Variants in LGR6 observed in about 807,000 individuals in gnomAD.
LGR6 encodes the protein leucine-rich repeat-containing G protein-coupled receptor 6.
Under a neutral mutation model 69.4 loss-of-function variants are expected in LGR6, and 45 were observed. That is an observed-to-expected ratio of 0.65 (90% CI 0.51 to 0.83). The LOEUF (loss-of-function observed/expected upper bound fraction) is 0.83, where lower values mean the gene tolerates loss of function less well. LGR6 is among the 40% of genes least tolerant of loss of function. LGR6 has a pLI of 0.00. For synonymous variants in LGR6, 538 were observed against 555.0 expected (o/e 0.97, Z 0.43); for missense variants, 1,108 against 1,246.7 (o/e 0.89, Z 1.68).
intron 1 of LGR6, among the ~76,000 whole-genome samples, chr1:202,221,748 A>C (rs571042176): frequency 6.6e-6 from 1 of 152,164 alleles, no homozygotes; most frequent in East Asian, 1.9e-4. Context: ...CATGACCCCC[A>C]CTTCTTGTAC....
chr1:202,216,233 A>G (rs1659773056), intron 1 of LGR6, among the ~76,000 whole-genome samples: 1 of 152,246 alleles, frequency 6.6e-6, no homozygotes, highest in African/African-American at 2.4e-5. Context: ...TTGGGTGGTG[A>G]TGCTCAAAGG....
At position 202,226,246 on chromosome 1, in the gene LGR6, A is replaced by G. The variant is rs151119446; in HGVS notation, c.284+752A>G. On this transcript the variant is annotated intron_variant, in intron 2 of 17. Transcript: ENST00000367278. Reference sequence around the variant, plus strand: ...CTGTCCCAATCCTTGCTTTCATCCTAGCTCTGTATTTCCAACACCTCCCAG... The same window carrying G: ...CTGTCCCAATCCTTGCTTTCATCCTGGCTCTGTATTTCCAACACCTCCCAG... Among the ~76,000 whole-genome samples, 274 of 152,168 alleles carry G rather than the reference A, an allele frequency of 1.8e-3. 1 individual carries two copies. Among genetic ancestry groups the G allele is most frequent in the African/African-American group, 6.2e-3 (257 of 41,496 alleles).
At chr1:202,225,202 G>C (rs926159491) in intron 1 of LGR6, among the ~76,000 whole-genome samples, 15 of 152,346 alleles carry the variant, frequency 9.8e-5, no homozygotes, top group Admixed American at 2.0e-4. Context: ...AGACCATATA[G>C]AGAGAATCAC....
intron 1 of LGR6, among the ~76,000 whole-genome samples, chr1:202,201,024 CT>C (rs1245325580): frequency 6.6e-6 from 1 of 152,172 alleles, no homozygotes; most frequent in Non-Finnish European, 1.5e-5. Context: ...CTTTTGTCTC[CT>C]CCAGAAACCA....
chr1:202,205,442 TCAAA>T (rs1659157351), intron 1 of LGR6, among the ~76,000 whole-genome samples: 1 of 4,478 alleles, frequency 2.2e-4, no homozygotes, highest in African/African-American at 8.3e-4. Flanking sequence ...CACACCTCCT[TCAAA>T]CACACACACA....
At chr1:202,308,928 C>A in intron 14 of LGR6, 123 bp from the exon 15 acceptor site, 1 of 1,210,636 alleles carries the variant, frequency 8.3e-7, no homozygotes, top group Non-Finnish European at 1.2e-6. Context: ...CTAAGCTTCT[C>A]TCCTGTCCTT....
rs925431895 is a variant in LGR6, at chr1:202,236,056, G to C, written c.428+63G>C. 1.1e-5 allele frequency: 15 copies of C among 1,408,574 alleles called. No individual in the cohort carries two copies. The African/African-American group carries it at 1.1e-4, about 11-fold the overall frequency. The allele number at this position is 1,408,574 out of a possible 1,614,324, so 87.3% of individuals were successfully genotyped here. A position where few individuals can be genotyped will look rare whatever the true frequency, so the allele number is the denominator to read the frequency against. ...TCCTGGGGCCTGAGTCACAGCCCAG[G>C]GCCCCCTGCCTCAGCTTTCCCTTCC... On this transcript the variant is annotated intron_variant, in intron 4 of 17. Transcript: ENST00000367278.
At chr1:202,220,636 C>T (rs2361447) in intron 1 of LGR6, among the ~76,000 whole-genome samples, 61,272 of 152,056 alleles carry the variant, frequency 0.4, 13,453 homozygotes, top group East Asian at 0.71. Flanking sequence ...GAGTGTTGTC[C>T]TGGGGGGATA....
intron 6 of LGR6, among the ~76,000 whole-genome samples, chr1:202,294,443 C>G (rs138316507): frequency 0.02 from 3,001 of 152,240 alleles, 31 homozygotes; most frequent in Non-Finnish European, 0.03. Flanking sequence ...CAGGTTGGTT[C>G]TTCTGCTGGA....
intron 6 of LGR6, among the ~76,000 whole-genome samples, chr1:202,291,817 G>A (rs1666812649): frequency 6.6e-6 from 1 of 152,140 alleles, no homozygotes; most frequent in African/African-American, 2.4e-5. Flanking sequence ...ATTAATATAT[G>A]CAAATCACTA....
At chr1:202,215,693 C>T (rs116439821) in intron 1 of LGR6, among the ~76,000 whole-genome samples, 1,809 of 152,284 alleles carry the variant, frequency 0.012, 41 homozygotes, top group African/African-American at 0.041. Context: ...ATCCCTTGTC[C>T]AGGACCCGCA....
chr1:202,228,528 T>C (rs1441022426), intron 3 of LGR6, among the ~76,000 whole-genome samples: 3 of 152,228 alleles, frequency 2.0e-5, no homozygotes, highest in Non-Finnish European at 2.9e-5. Context: ...CCTTTACCTA[T>C]TCCCTTTGAA....
chr1:202,194,740 G>A, intron 1 of LGR6: 3 of 341,112 alleles, frequency 8.8e-6, no homozygotes, highest in African/African-American at 2.3e-5. Flanking sequence ...TGGGAGGGGG[G>A]CCTTATCCAC....
intron 1 of LGR6, 63 bp downstream of exon 1, chr1:202,194,264 C>G (rs1316078682): frequency 8.0e-7 from 1 of 1,246,256 alleles, no homozygotes; most frequent in Non-Finnish European, 1.1e-6. Flanking sequence ...CCAGTCCCGG[C>G]CTCAGCAGGG....
At chr1:202,218,249 G>C (rs1449515637) in intron 1 of LGR6, among the ~76,000 whole-genome samples, 1 of 151,976 alleles carries the variant, frequency 6.6e-6, no homozygotes, top group Non-Finnish European at 1.5e-5. Context: ...GTAGAGGAAA[G>C]CGCCTGCTAT....
chr1:202,270,201 G>T (rs1290262508), intron 4 of LGR6, among the ~76,000 whole-genome samples: 1 of 151,974 alleles, frequency 6.6e-6, no homozygotes, highest in Non-Finnish European at 1.5e-5. Flanking sequence ...CTGGTAGAGT[G>T]AAAAGAAGCT....
At chr1:202,266,398 A>G (rs538590310) in intron 4 of LGR6, among the ~76,000 whole-genome samples, 53 of 152,230 alleles carry the variant, frequency 3.5e-4, no homozygotes, top group African/African-American at 1.1e-3. Context: ...GAGAGAGGAA[A>G]GGGACTCGTC....
chr1:202,278,524 G>A (rs1299375057), intron 5 of LGR6, among the ~76,000 whole-genome samples: 1 of 152,148 alleles, frequency 6.6e-6, no homozygotes, highest in East Asian at 1.9e-4. Flanking sequence ...CCCTTTGCAT[G>A]GGGAGAGGTT....
intron 1 of LGR6, among the ~76,000 whole-genome samples, chr1:202,200,960 A>G (rs1023700150): frequency 1.3e-5 from 2 of 152,220 alleles, no homozygotes; most frequent in African/African-American, 2.4e-5. Flanking sequence ...AGGCACCTCC[A>G]GAACTGAAGT....
Sources: gnomAD v4.1 joint callset for allele counts (sites outside exome capture counted in the v4.1 genomes callset) on GRCh38, gnomAD v4.1.1 for gene constraint, MANE v1.5 for transcripts, NCBI Gene and HGNC (gene_info 2026-07-23, HGNC 2026-07-21) for gene names.